The following CYP39A1 variants were observed in gnomAD, a reference collection of about 807,000 sequenced individuals.
CYP39A1 encodes the protein 24-hydroxycholesterol 7-alpha-hydroxylase.
CYP39A1 carries 49 observed loss-of-function variants against 58.1 expected under a neutral mutation model. The ratio of observed to expected loss-of-function variants is 0.84; its 90% CI spans 0.67 to 1.07. The LOEUF is 1.07. CYP39A1 is among the 50% of genes least tolerant of loss of function. The probability of loss-of-function intolerance (pLI) is 0.00; values close to 1 mark genes in which losing one functional copy is unlikely to be tolerated. For missense variants in CYP39A1, 531 were observed against 539.4 expected (o/e 0.98, Z 0.16); for synonymous variants, 209 against 187.6 (o/e 1.11, Z -0.93).
Position 46,550,441 on chromosome 6 carries a change from A to C in CYP39A1, c.1339-4T>G. On this transcript the variant is annotated splice_polypyrimidine_tract_variant and splice_region_variant and intron_variant, in intron 11 of 11. Transcript: ENST00000275016. ...CACCCACCAAATGGAGATAACTCTA[A>C]AAACAGAAATGCAGAAGAAATAGAA... 1 of 1,609,554 alleles carries C rather than the reference A, an allele frequency of 6.2e-7. No homozygotes were observed. Among genetic ancestry groups the C allele is most frequent in the African/African-American group, 1.3e-5 (1 of 74,918 alleles).
At chr6:46,612,141 C>A (rs994012433) in intron 7 of CYP39A1, among the ~76,000 whole-genome samples, 3 of 152,182 alleles carry the variant, frequency 2.0e-5, no homozygotes, top group Non-Finnish European at 2.9e-5. Context: ...GCATCTCTTT[C>A]AGCCACTGAA....
chr6:46,611,084 C>A (rs919118636), intron 7 of CYP39A1, among the ~76,000 whole-genome samples: 11 of 152,204 alleles, frequency 7.2e-5, no homozygotes, highest in African/African-American at 2.2e-4. Flanking sequence ...AGTAGCCTGG[C>A]AAACCACACA....
rs116530023 is a variant in CYP39A1, at chr6:46,627,853, G to C, written c.841-2345C>G. 4.4e-3 allele frequency among the ~76,000 whole-genome samples: 670 copies of C among 152,284 alleles called. 5 individuals are homozygous for C. The highest frequency in any genetic ancestry group is 0.015 in the African/African-American group (630 of 41,562). ...TATGTATTACTACATCAATAAGCAA[G>C]AATAAGTGACTTTGAGGTCTTTGTG... On this transcript the variant is annotated intron_variant, in intron 6 of 11. Transcript: ENST00000275016.
intron 7 of CYP39A1, among the ~76,000 whole-genome samples, chr6:46,615,231 TA>T (rs1325721449): frequency 2.7e-5 from 4 of 147,508 alleles, no homozygotes; most frequent in Non-Finnish European, 5.9e-5. Flanking sequence ...TATATGAGTA[TA>T]AAAAATATAT....
intron 1 of CYP39A1, among the ~76,000 whole-genome samples, chr6:46,646,326 C>T (rs1192076716): frequency 2.0e-5 from 3 of 151,958 alleles, no homozygotes; most frequent in African/African-American, 7.2e-5. Flanking sequence ...GAATGGATAT[C>T]AGGAATGGAT....
chr6:46,635,464 G>C (rs1007120900), intron 5 of CYP39A1, among the ~76,000 whole-genome samples: 3 of 152,196 alleles, frequency 2.0e-5, no homozygotes, highest in African/African-American at 4.8e-5. Context: ...TCTAATGAGA[G>C]GCAGAGGTGA....
At position 46,639,487 on chromosome 6, in the gene CYP39A1, T is replaced by C; in HGVS notation, c.488+7A>G. 6.2e-7 allele frequency: 1 copy of C among 1,613,292 alleles called. No homozygotes were observed. Among genetic ancestry groups the C allele is most frequent in the Non-Finnish European group, 8.5e-7 (1 of 1,179,672 alleles). ...CAAGACTAAATCATACTAATGCGTC[T>C]ATTTACCTTACTAAGTTGTTCAGGT... On this transcript the variant is annotated splice_region_variant and intron_variant, in intron 3 of 11. Transcript: ENST00000275016.
chr6:46,576,717 G>C (rs1313959087), intron 10 of CYP39A1, among the ~76,000 whole-genome samples: 1 of 152,192 alleles, frequency 6.6e-6, no homozygotes, highest in African/African-American at 2.4e-5. Context: ...ACTGATAACA[G>C]AGTAAACCAA....
chr6:46,646,845 G>A (rs1464662188), intron 1 of CYP39A1, among the ~76,000 whole-genome samples: 1 of 151,992 alleles, frequency 6.6e-6, no homozygotes, highest in African/African-American at 2.4e-5. Flanking sequence ...TATGTTTGTA[G>A]AGTTATTCAT....
At chr6:46,552,118 A>G (rs1770432922) in intron 11 of CYP39A1, among the ~76,000 whole-genome samples, 1 of 152,226 alleles carries the variant, frequency 6.6e-6, no homozygotes, top group Non-Finnish European at 1.5e-5. Flanking sequence ...GGTCAAAATT[A>G]CTAATCTCCA....
chr6:46,550,101 T>C lies in CYP39A1; in HGVS notation c.*265A>G. 3.1e-6 allele frequency: 1 copy of C among 318,660 alleles called. No homozygotes were observed. The highest frequency in any genetic ancestry group is 4.9e-5 in the Admixed American group (1 of 20,360). The allele number at this position is 318,660 out of a possible 1,614,324, so 19.7% of individuals were successfully genotyped here. On this transcript the variant is annotated 3_prime_UTR_variant, in exon 12 of 12. Coordinates refer to ENST00000275016, the MANE Select transcript of CYP39A1 (RefSeq NM_016593.5). ...GTTATGCATGAAATCAAATTCCAAC[T>C]TCTTAAAAAATGTGGAGTTTTTTTG...
intron 7 of CYP39A1, among the ~76,000 whole-genome samples, chr6:46,616,668 TA>T (rs1561994916): frequency 6.6e-6 from 1 of 152,182 alleles, no homozygotes; most frequent in Non-Finnish European, 1.5e-5. Flanking sequence ...TCCAAGTTCC[TA>T]AAGCAGTCCC....
intron 10 of CYP39A1, among the ~76,000 whole-genome samples, chr6:46,580,812 T>A (rs1772092803): frequency 6.6e-6 from 1 of 152,094 alleles, no homozygotes; most frequent in Non-Finnish European, 1.5e-5. Context: ...ACGTCTCACA[T>A]CATTCAGAAC....
chr6:46,620,605 A>C (rs533664153), intron 7 of CYP39A1, among the ~76,000 whole-genome samples: 1 of 152,164 alleles, frequency 6.6e-6, no homozygotes, highest in East Asian at 1.9e-4. Flanking sequence ...CCAGGGCTTT[A>C]CTCATGTTCA....
intron 10 of CYP39A1, among the ~76,000 whole-genome samples, chr6:46,582,278 A>T (rs1464220005): frequency 6.6e-6 from 1 of 152,212 alleles, no homozygotes; most frequent in Non-Finnish European, 1.5e-5. Context: ...AAAAGCAATC[A>T]GCTATTTCTA....
At chr6:46,625,958 A>T (rs1775286002) in intron 6 of CYP39A1, among the ~76,000 whole-genome samples, 1 of 152,106 alleles carries the variant, frequency 6.6e-6, no homozygotes, top group African/African-American at 2.4e-5. Context: ...CTGCAACTGA[A>T]ACACAGTAGT....
At chr6:46,648,142 C>T (rs1031187004) in intron 1 of CYP39A1, among the ~76,000 whole-genome samples, 18 of 152,060 alleles carry the variant, frequency 1.2e-4, no homozygotes, top group African/African-American at 4.3e-4. Flanking sequence ...TACCATTTGA[C>T]CCAGCCATCC....
intron 10 of CYP39A1, among the ~76,000 whole-genome samples, chr6:46,580,633 T>G (rs556963443): frequency 6.6e-6 from 1 of 152,060 alleles, no homozygotes; most frequent in Admixed American, 6.6e-5. Flanking sequence ...CCAGAATCTG[T>G]AAGGAACTTA....
intron 10 of CYP39A1, among the ~76,000 whole-genome samples, chr6:46,577,210 C>G (rs1474650862): frequency 2.0e-5 from 3 of 152,114 alleles, no homozygotes; most frequent in African/African-American, 7.2e-5. Flanking sequence ...AAATAAAATC[C>G]TTTTCAGACA....
Sources: allele counts gnomAD v4.1 joint callset (sites outside exome capture counted in the v4.1 genomes callset), GRCh38; gene constraint gnomAD v4.1.1; transcripts MANE v1.5; gene names NCBI Gene and HGNC (gene_info 2026-07-23, HGNC 2026-07-21).